The following LSAMP variants were observed in gnomAD, a reference collection of about 807,000 sequenced individuals.
The protein encoded by LSAMP is limbic system associated membrane protein.
Under a neutral mutation model 38.6 loss-of-function variants are expected in LSAMP, and 7 were observed. The ratio of observed to expected loss-of-function variants is 0.18; its 90% CI spans 0.10 to 0.34. The LOEUF is 0.34. Ranked by LOEUF, LSAMP falls within the 10% of genes least tolerant of loss-of-function variation. The pLI is 1.00. For missense variants in LSAMP, 313 were observed against 420.0 expected (o/e 0.75, Z 2.23); for synonymous variants, 154 against 166.8 (o/e 0.92, Z 0.59).
At chr3:115,849,152 A>G (rs552229830) in intron 4 of LSAMP, among the ~76,000 whole-genome samples, 1 of 152,350 alleles carries the variant, frequency 6.6e-6, no homozygotes, top group South Asian at 2.1e-4. Flanking sequence ...TCTATTGTCT[A>G]AATTATACTA....
At chr3:116,356,670 A>C (rs1391726318) in intron 1 of LSAMP, among the ~76,000 whole-genome samples, 1 of 152,364 alleles carries the variant, frequency 6.6e-6, no homozygotes, top group South Asian at 2.1e-4. Context: ...TAGTAACATC[A>C]TATGCCTGTA....
intron 2 of LSAMP, among the ~76,000 whole-genome samples, chr3:116,054,893 G>A (rs1278927401): frequency 3.3e-5 from 5 of 152,206 alleles, no homozygotes; most frequent in African/African-American, 1.2e-4. Flanking sequence ...TGGTGTTTTG[G>A]AAAGTTTGTC....
chr3:116,093,595 T>A (rs189879997), intron 1 of LSAMP, among the ~76,000 whole-genome samples: 3 of 152,240 alleles, frequency 2.0e-5, no homozygotes, highest in African/African-American at 7.2e-5. Flanking sequence ...TTTGTTGTTT[T>A]ACTTTAGTTT....
rs569092531 is a variant in LSAMP at position 115,817,845 on chromosome 3, TGAC to T, written c.920-7434_920-7432del. On this transcript the variant is annotated intron_variant, in intron 6 of 6. Transcript: ENST00000490035. ...ATATAAAACAATGGTCTCTAGCTGT[TGAC>T]GACTTTCTGTATATGTCTCATCATC... Among the ~76,000 whole-genome samples the T allele has an allele frequency of 2.1e-3, 323 of 152,372 alleles. 1 individual carries two copies. The highest frequency in any genetic ancestry group is 3.7e-3 in the Non-Finnish European group (253 of 68,030).
intron 1 of LSAMP, among the ~76,000 whole-genome samples, chr3:116,167,615 T>G (rs922367208): frequency 6.6e-6 from 1 of 152,190 alleles, no homozygotes; most frequent in Non-Finnish European, 1.5e-5. Flanking sequence ...CTTCCATCCA[T>G]CTATTGAATT....
At chr3:115,906,209 T>A (rs1200293344) in intron 3 of LSAMP, among the ~76,000 whole-genome samples, 1 of 152,168 alleles carries the variant, frequency 6.6e-6, no homozygotes, top group Non-Finnish European at 1.5e-5. Flanking sequence ...GTTCTGCCAT[T>A]TATAATATGT....
chr3:115,966,571 A>T (rs997130176), intron 3 of LSAMP, among the ~76,000 whole-genome samples: 1 of 152,064 alleles, frequency 6.6e-6, no homozygotes, highest in Non-Finnish European at 1.5e-5. Context: ...ATCAGGAAAC[A>T]AAAAAAATGT....
At chr3:116,368,481 A>T (rs897850233) in intron 1 of LSAMP, among the ~76,000 whole-genome samples, 9 of 152,208 alleles carry the variant, frequency 5.9e-5, no homozygotes, top group Non-Finnish European at 1.0e-4. Context: ...CAAAATTCTT[A>T]AAAAAGTAAA....
chr3:115,980,659 T>C (rs1170240633), intron 3 of LSAMP, among the ~76,000 whole-genome samples: 4 of 152,294 alleles, frequency 2.6e-5, no homozygotes, highest in Non-Finnish European at 5.9e-5. Context: ...GATCTGTGGG[T>C]TATTACCTGT....
At chr3:116,376,276 A>C (rs1306453040) in intron 1 of LSAMP, among the ~76,000 whole-genome samples, 1 of 152,048 alleles carries the variant, frequency 6.6e-6, no homozygotes, top group African/African-American at 2.4e-5. Flanking sequence ...TCTTGCATCT[A>C]TTTATCTATT....
At chr3:115,858,572 A>G (rs777074425) in intron 3 of LSAMP, among the ~76,000 whole-genome samples, 6 of 152,182 alleles carry the variant, frequency 3.9e-5, no homozygotes, top group Non-Finnish European at 7.3e-5. Context: ...AGATAGGAAG[A>G]TGTGCTTGAA....
intron 3 of LSAMP, among the ~76,000 whole-genome samples, chr3:115,920,885 CATAT>C (rs111648586): frequency 6.7e-6 from 1 of 148,600 alleles, no homozygotes. Flanking sequence ...ATGTTGGGTG[CATAT>C]ATATATATAT....
intron 3 of LSAMP, among the ~76,000 whole-genome samples, chr3:115,883,608 G>A (rs1007970060): frequency 1.3e-5 from 2 of 152,056 alleles, no homozygotes; most frequent in African/African-American, 2.4e-5. Context: ...ATGGAAATCA[G>A]GTTCAAGTTG....
chr3:116,355,212 T>C (rs1000435832), intron 1 of LSAMP, among the ~76,000 whole-genome samples: 1 of 152,160 alleles, frequency 6.6e-6, no homozygotes, highest in Non-Finnish European at 1.5e-5. Flanking sequence ...AGCCAATTTA[T>C]ACAGTCTGCT....
At chr3:116,031,814 T>C (rs1270857560) in intron 2 of LSAMP, among the ~76,000 whole-genome samples, 1 of 152,040 alleles carries the variant, frequency 6.6e-6, no homozygotes, top group Non-Finnish European at 1.5e-5. Context: ...AAGCTTACCA[T>C]GAACCATTTT....
chr3:116,315,129 G>C (rs1348815306), intron 1 of LSAMP, among the ~76,000 whole-genome samples: 1 of 152,050 alleles, frequency 6.6e-6, no homozygotes, highest in Non-Finnish European at 1.5e-5. Flanking sequence ...AGGCTTTGTA[G>C]CCTCCAGGCT....
intron 1 of LSAMP, among the ~76,000 whole-genome samples, chr3:116,237,038 G>A (rs981857153): frequency 1.3e-5 from 2 of 151,698 alleles, no homozygotes; most frequent in Non-Finnish European, 2.9e-5. Flanking sequence ...TCATTTCAAA[G>A]TTTGTAAGGT....
At chr3:116,091,227 C>T (rs11918080) in intron 1 of LSAMP, among the ~76,000 whole-genome samples, 38,528 of 152,188 alleles carry the variant, frequency 0.25, 6,603 homozygotes, top group African/African-American at 0.49. Flanking sequence ...CTGTTCTGCC[C>T]GGCTCACCGG....
chr3:115,856,898 C>T (rs1406111473), intron 3 of LSAMP, among the ~76,000 whole-genome samples: 1 of 152,188 alleles, frequency 6.6e-6, no homozygotes. Context: ...CAAAGAGATA[C>T]TAGAGTCATT....
Sources: allele counts gnomAD v4.1 joint callset (sites outside exome capture counted in the v4.1 genomes callset), GRCh38; gene constraint gnomAD v4.1.1; transcripts MANE v1.5; gene names NCBI Gene and HGNC (gene_info 2026-07-23, HGNC 2026-07-21).